The following RNF150 variants were observed in gnomAD, a reference collection of about 807,000 sequenced individuals.
RNF150 encodes the protein ring finger protein 150.
Under a neutral mutation model 39.3 loss-of-function variants are expected in RNF150, and 24 were observed. That is an observed-to-expected ratio of 0.61 (90% CI 0.44 to 0.86). The LOEUF is 0.86. Among genes scored for constraint, RNF150 ranks in the 40% least tolerant of loss-of-function variants. The pLI is 0.00. For missense variants in RNF150, 502 were observed against 587.8 expected, an observed-to-expected ratio of 0.85 and a Z score of 1.51; for synonymous variants, 255 against 227.3, an observed-to-expected ratio of 1.12 and a Z score of -1.10.
At chr4:140,973,598 C>T (rs1365256537) in intron 1 of RNF150, among the ~76,000 whole-genome samples, 4 of 151,816 alleles carry the variant, frequency 2.6e-5, no homozygotes, top group Admixed American at 1.3e-4. Context: ...ATAAACATGC[C>T]GGGCATGGTG....
rs190159355 is a variant in RNF150, at chr4:141,193,074, C to A, written c.-6+19720G>T. Among the ~76,000 whole-genome samples, 3 of 152,290 alleles carry A rather than the reference C, an allele frequency of 2.0e-5. No individual in the cohort carries two copies. The East Asian group carries it at 5.8e-4, about 29-fold the overall frequency. On this transcript the variant is annotated intron_variant, in intron 1 of 7. Coordinates refer to the RNF150 transcript ENST00000420921. ...GTCACTCTTCCCTGCTTTTAGTTTT[C>A]TTCTTAGCACTTATCTTTATCTAAT...
intron 6 of RNF150, among the ~76,000 whole-genome samples, chr4:140,889,739 C>T (rs1287701257): frequency 3.3e-5 from 5 of 152,188 alleles, no homozygotes; most frequent in African/African-American, 9.6e-5. Flanking sequence ...ATTGCCTGCC[C>T]TAATTAATAG....
chr4:141,011,100 T>C (rs1404956410), intron 1 of RNF150, among the ~76,000 whole-genome samples: 5 of 152,106 alleles, frequency 3.3e-5, no homozygotes, highest in Non-Finnish European at 7.4e-5. Context: ...TTCGTATTAC[T>C]CTCTTCTCAA....
At chr4:140,969,756 C>CTTTTTTTTTTT (rs70946718) in intron 1 of RNF150, among the ~76,000 whole-genome samples, 3 of 75,986 alleles carry the variant, frequency 3.9e-5, no homozygotes, top group Admixed American at 2.1e-4. Flanking sequence ...ACAAGTTTTA[C>CTTTTTTTTTTT]TTTTTTTTTT....
intron 1 of RNF150, among the ~76,000 whole-genome samples, chr4:141,122,972 C>T (rs1037471469): frequency 2.6e-5 from 4 of 152,184 alleles, no homozygotes; most frequent in Admixed American, 6.5e-5. Context: ...TCCTTCTGCT[C>T]ATTACTAGTA....
rs10616886 is a variant in RNF150 at position 140,912,959 on chromosome 4, TAA to T, written c.988-1607_988-1606del. Among the ~76,000 whole-genome samples, 648 of 138,136 alleles carry T rather than the reference TAA, an allele frequency of 4.7e-3. 4 individuals are homozygous for T. Among genetic ancestry groups the T allele is most frequent in the Non-Finnish European group, 7.3e-3 (461 of 62,756 alleles). 90.6% of individuals were successfully genotyped at this position (138,136 alleles called of 152,430 possible). On this transcript the variant is annotated intron_variant, in intron 5 of 6. Transcript: ENST00000515673. ...CAGTCTGCACTCTCTCATCAGAACA[TAA>T]AAAAAAAAAAAAAAAAAAAAAAACA... is the stretch of plus-strand genomic sequence containing the variant.
intron 5 of RNF150, among the ~76,000 whole-genome samples, chr4:140,925,171 A>G (rs534562752): frequency 2.6e-5 from 4 of 152,220 alleles, no homozygotes; most frequent in Non-Finnish European, 1.5e-5. Context: ...GGTTTCTCAC[A>G]TCTCTCAGTG....
intron 1 of RNF150, among the ~76,000 whole-genome samples, chr4:141,123,215 G>A (rs1726659904): frequency 6.6e-6 from 1 of 152,204 alleles, no homozygotes; most frequent in South Asian, 2.1e-4. Context: ...TAGGTACTGA[G>A]CACTTTCTGC....
chr4:141,203,631 T>A (rs914972667), intron 1 of RNF150, among the ~76,000 whole-genome samples: 3 of 151,972 alleles, frequency 2.0e-5, no homozygotes, highest in African/African-American at 7.3e-5. Context: ...TTCAGGGTCT[T>A]TTTTTGTGTC....
intron 1 of RNF150, among the ~76,000 whole-genome samples, chr4:141,131,723 T>C (rs1726895042): frequency 6.6e-6 from 1 of 152,196 alleles, no homozygotes; most frequent in Non-Finnish European, 1.5e-5. Flanking sequence ...TCTTCTTGGC[T>C]TGTTGAGGAT....
At chr4:141,043,499 A>G (rs903546546) in intron 1 of RNF150, among the ~76,000 whole-genome samples, 1 of 152,190 alleles carries the variant, frequency 6.6e-6, no homozygotes, top group Non-Finnish European at 1.5e-5. Context: ...TAAATTACTC[A>G]CAAGTGAGTT....
At chr4:141,143,578 G>A (rs981091064) in intron 1 of RNF150, among the ~76,000 whole-genome samples, 7 of 152,116 alleles carry the variant, frequency 4.6e-5, no homozygotes, top group Admixed American at 1.3e-4. Context: ...CCCTGGTCCC[G>A]GAGTCTCCAC....
At chr4:141,094,538 C>G (rs10454796) in intron 1 of RNF150, among the ~76,000 whole-genome samples, 1 of 152,104 alleles carries the variant, frequency 6.6e-6, no homozygotes, top group African/African-American at 2.4e-5. Flanking sequence ...TTGTTGTTAC[C>G]GTGGTAGTGG....
chr4:140,862,396 C>T lies in RNF150; in HGVS notation c.*5865G>A, dbSNP rs1229835082. 6.6e-6 allele frequency: 1 copy of T among 152,230 alleles called. No individual in the cohort carries two copies. The highest frequency in any genetic ancestry group is 1.9e-4 in the East Asian group (1 of 5,200). 9.4% of individuals were successfully genotyped at this position (152,230 alleles called of 1,614,324 possible). ...GAAAAAGCCACGTGATTATGAAGCA[C>T]TCAAGGCAGGTGAAGAGAGATGTGA... On this transcript the variant is annotated 3_prime_UTR_variant, in exon 7 of 7. Transcript: ENST00000515673.
intron 1 of RNF150, among the ~76,000 whole-genome samples, chr4:141,110,954 T>C (rs1285785226): frequency 6.6e-6 from 1 of 152,170 alleles, no homozygotes; most frequent in Non-Finnish European, 1.5e-5. Context: ...TAATCAGTGA[T>C]TTCGGCAATC....
At chr4:141,084,203 G>A (rs1003270438) in intron 1 of RNF150, among the ~76,000 whole-genome samples, 1 of 152,102 alleles carries the variant, frequency 6.6e-6, no homozygotes, top group African/African-American at 2.4e-5. Flanking sequence ...ACGACCTTGA[G>A]TACTATTACA....
At chr4:141,027,749 C>G (rs912568129) in intron 1 of RNF150, among the ~76,000 whole-genome samples, 8 of 151,982 alleles carry the variant, frequency 5.3e-5, no homozygotes, top group Non-Finnish European at 8.8e-5. Context: ...AGACTTAGCC[C>G]CTTAATGACT....
rs1726905380 is a variant in RNF150, at chr4:141,132,078, G to A, written c.484+247C>T. Among the ~76,000 whole-genome samples, 1 of 152,116 alleles carries A rather than the reference G, an allele frequency of 6.6e-6. No individual in the cohort carries two copies. Among genetic ancestry groups the A allele is most frequent in the South Asian group, 2.1e-4 (1 of 4,832 alleles). Reference sequence around the variant, plus strand: ...CTCGGAAAAGTTAGCCCGCCACGTTGAACCCCTGTCCAAGCGGCGCTATGC... The same window carrying A: ...CTCGGAAAAGTTAGCCCGCCACGTTAAACCCCTGTCCAAGCGGCGCTATGC... On this transcript the variant is annotated intron_variant, in intron 1 of 6. Transcript: ENST00000515673. The surrounding 1 kb of genome is among the most constrained non-coding windows in gnomAD (Gnocchi z 4.9).
intron 1 of RNF150, among the ~76,000 whole-genome samples, chr4:141,002,631 C>T (rs1327154940): frequency 6.6e-6 from 1 of 152,106 alleles, no homozygotes; most frequent in Non-Finnish European, 1.5e-5. Flanking sequence ...ATTGCTAAAC[C>T]TTTTAGGAAG....
Sources: gnomAD v4.1 joint callset for allele counts (sites outside exome capture counted in the v4.1 genomes callset) on GRCh38, gnomAD v4.1.1 for gene constraint, Gnocchi (gnomAD v3.1) non-coding constraint, MANE v1.5 for transcripts, NCBI Gene and HGNC (gene_info 2026-07-23, HGNC 2026-07-21) for gene names.